STAT3: variants seen among roughly 807,000 people sequenced by gnomAD.
The protein encoded by STAT3 is signal transducer and activator of transcription 3, also known as DNA-binding protein APRF.
Under a neutral mutation model 114.3 loss-of-function variants are expected in STAT3, and 7 were observed. That is an observed-to-expected ratio of 0.06 (90% confidence interval 0.03 to 0.11). The LOEUF (loss-of-function observed/expected upper bound fraction) is 0.11, where lower values mean the gene tolerates loss of function less well. STAT3 is among the 10% of genes least tolerant of loss of function. The pLI is 1.00. For synonymous variants in STAT3, 331 were observed against 354.5 expected (o/e 0.93, Z 0.74); for missense variants, 364 against 960.9 (o/e 0.38, Z 8.21).
chr17:42,328,727 A>G (rs1358290985), intron 14 of STAT3, among the ~76,000 whole-genome samples: 1 of 152,194 alleles, frequency 6.6e-6, no homozygotes, highest in East Asian at 1.9e-4. Flanking sequence ...AAGAGGAAGA[A>G]TTGTTCAGGG....
At chr17:42,343,564 C>T (rs2082552064) in intron 4 of STAT3, among the ~76,000 whole-genome samples, 1 of 149,964 alleles carries the variant, frequency 6.7e-6, no homozygotes, top group South Asian at 2.1e-4. Flanking sequence ...AAGCGATTCT[C>T]CTGCCCCAGC....
chr17:42,331,203 T>C (rs1467319624), intron 11 of STAT3, among the ~76,000 whole-genome samples: 1 of 152,216 alleles, frequency 6.6e-6, no homozygotes, highest in Non-Finnish European at 1.5e-5. Flanking sequence ...ATATATAATA[T>C]GCATGAATGA....
In STAT3 at chr17:42,333,649, G is replaced by A; in HGVS notation, c.1049+24C>T. ...AGTGTCCCTCAGTAAAATCTCTACTGGAAATGGAAGTGGCATGGCCTACCT... is the reference window on the plus strand; with the variant it reads ...AGTGTCCCTCAGTAAAATCTCTACTAGAAATGGAAGTGGCATGGCCTACCT... On this transcript the variant is annotated intron_variant, in intron 10 of 23. Transcript: ENST00000264657. This position sits in a 1 kb window ranked among gnomAD's most constrained non-coding sequence, Gnocchi z 5.2. 1 of 1,613,246 alleles carries A rather than the reference G, an allele frequency of 6.2e-7. No individual in the cohort carries two copies. Among genetic ancestry groups the A allele is most frequent in the Non-Finnish European group, 8.5e-7 (1 of 1,179,342 alleles).
Position 42,339,304 on chromosome 17 carries a change from C to T in STAT3, c.468+10G>A, listed in dbSNP as rs2082346256. The T allele has an allele frequency of 6.2e-7, 1 of 1,610,136 alleles. No homozygotes were observed. On this transcript the variant is annotated intron_variant, in intron 5 of 23. Coordinates refer to ENST00000264657, the MANE Select transcript of STAT3 (RefSeq NM_139276.3). Reference sequence around the variant, plus strand: ...AAAGCTCCCTGCCCGAGGCTTGTAACTTGCATCACCTGCACTCTCTTCCGG... The same window carrying T: ...AAAGCTCCCTGCCCGAGGCTTGTAATTTGCATCACCTGCACTCTCTTCCGG...
intron 21 of STAT3, among the ~76,000 whole-genome samples, chr17:42,318,500 T>C (rs1050749078): frequency 1.3e-5 from 2 of 152,196 alleles, no homozygotes; most frequent in African/African-American, 2.4e-5. Context: ...GTGCCAATTT[T>C]CTATGAGCTT....
chr17:42,340,258 A>G (rs957466948), intron 4 of STAT3, among the ~76,000 whole-genome samples: 3 of 151,376 alleles, frequency 2.0e-5, no homozygotes. Flanking sequence ...CGGGAGGCTG[A>G]GGAAGGAGAA....
chr17:42,360,638 C>G (rs529261664), intron 1 of STAT3, among the ~76,000 whole-genome samples: 1 of 151,106 alleles, frequency 6.6e-6, no homozygotes, highest in South Asian at 2.1e-4. Context: ...GAGCAAAACT[C>G]CATCTCAAAA....
chr17:42,359,986 G>T (rs1472352971), intron 1 of STAT3, among the ~76,000 whole-genome samples: 1 of 150,518 alleles, frequency 6.6e-6, no homozygotes, highest in African/African-American at 2.4e-5. Flanking sequence ...TGTGAACCTG[G>T]GAGGCAGAGC....
intron 21 of STAT3, among the ~76,000 whole-genome samples, chr17:42,321,316 G>T (rs1353045392): frequency 6.6e-6 from 1 of 151,250 alleles, no homozygotes; most frequent in Non-Finnish European, 1.5e-5. Flanking sequence ...GTATAGATAG[G>T]GTCTCACTAT....
chr17:42,345,367 TAG>T, intron 4 of STAT3, 190 bp downstream of exon 4: 1 of 578,800 alleles, frequency 1.7e-6, no homozygotes, highest in East Asian at 2.9e-5. Flanking sequence ...TTCTTTTTTT[TAG>T]AGTTTTTCAA....
In STAT3 at chr17:42,324,705, G is replaced by A. The variant is rs1323371426; in HGVS notation, c.1600+6C>T. 3.1e-6 allele frequency: 5 copies of A among 1,609,480 alleles called. No homozygotes were observed. Among genetic ancestry groups the A allele is most frequent in the African/African-American group, 1.3e-5 (1 of 74,802 alleles). On this transcript the variant is annotated splice_donor_region_variant and intron_variant, in intron 17 of 23. Coordinates refer to ENST00000264657, the MANE Select transcript of STAT3 (RefSeq NM_139276.3). The surrounding 1 kb of genome is among the most constrained non-coding windows in gnomAD (Gnocchi z 4.5). The stretch of plus-strand genomic sequence containing the variant: ...GGGCGGGAGGGAGAAGGGGTGAAAT[G>A]CGGACCCAAGAGTTTCTCTGCCAGT...
At chr17:42,367,032 T>G in intron 1 of STAT3, among the ~76,000 whole-genome samples, 1 of 151,834 alleles carries the variant, frequency 6.6e-6, no homozygotes, top group East Asian at 1.9e-4. Flanking sequence ...TCTCAGCTAC[T>G]CGGGAGGCTG....
intron 1 of STAT3, among the ~76,000 whole-genome samples, chr17:42,356,824 G>A (rs1291260295): frequency 6.6e-6 from 1 of 151,724 alleles, no homozygotes; most frequent in Non-Finnish European, 1.5e-5. Context: ...ATCTCACTCT[G>A]TTGCCCAGGC....
chr17:42,365,596 GA>G (rs1335429062), intron 1 of STAT3, among the ~76,000 whole-genome samples: 1 of 148,878 alleles, frequency 6.7e-6, no homozygotes, highest in Non-Finnish European at 1.5e-5. Context: ...ACTTCCATAA[GA>G]AAAAAATTCA....
chr17:42,347,014 C>T (rs986981613), intron 2 of STAT3, among the ~76,000 whole-genome samples: 8 of 151,888 alleles, frequency 5.3e-5, no homozygotes, highest in South Asian at 2.1e-4. Context: ...CATGGTGAAA[C>T]GCTGTCTCTA....
intron 14 of STAT3, among the ~76,000 whole-genome samples, chr17:42,329,021 C>A (rs1242904591): frequency 6.6e-6 from 1 of 152,164 alleles, no homozygotes; most frequent in Non-Finnish European, 1.5e-5. Flanking sequence ...CACCCTCTAT[C>A]CCACCTCAGT....
intron 1 of STAT3, among the ~76,000 whole-genome samples, chr17:42,352,696 T>C (rs1240573075): frequency 6.6e-6 from 1 of 151,320 alleles, no homozygotes; most frequent in African/African-American, 2.4e-5. Context: ...AAAAGCATCA[T>C]GACCTGACTT....
chr17:42,346,601 G>T lies in STAT3; in HGVS notation c.241C>A (p.His81Asn). 1 of 1,614,138 alleles carries T rather than the reference G, an allele frequency of 6.2e-7. No individual in the cohort carries two copies. Among genetic ancestry groups the T allele is most frequent in the Non-Finnish European group, 8.5e-7 (1 of 1,180,030 alleles). ...FLQESNVLYQHNLRRIKQFLQ... is the reference protein window; with the variant it reads ...FLQESNVLYQNNLRRIKQFLQ... ...AACTGCTTGATTCTTCGTAGATTGT[G>T]CTGATAGAGAACATTCGACTCTTGC... The change falls in exon 3 of 24, where the codon CAC becomes AAC. Residue 81 changes from histidine (H) to asparagine (N), a missense_variant. This residue lies in a region of STAT3 where 294 missense variants were observed against 745.1 expected (regional missense o/e 0.39). Coordinates refer to ENST00000264657, the MANE Select transcript of STAT3 (RefSeq NM_139276.3).
At chr17:42,350,674 T>C (rs1278168798) in intron 1 of STAT3, among the ~76,000 whole-genome samples, 1 of 152,184 alleles carries the variant, frequency 6.6e-6, no homozygotes, top group Non-Finnish European at 1.5e-5. Context: ...CTCTTGCTAC[T>C]GTGAAGACGG....
Sources: allele counts gnomAD v4.1 joint callset (sites outside exome capture counted in the v4.1 genomes callset), GRCh38; gene constraint gnomAD v4.1.1; regional missense constraint gnomAD v4.1.1; non-coding constraint Gnocchi (gnomAD v3.1); transcripts MANE v1.5; gene names NCBI Gene and HGNC (gene_info 2026-07-23, HGNC 2026-07-21).